The following CEP350 variants were observed in gnomAD, a reference collection of about 807,000 sequenced individuals.
CEP350 encodes centrosomal protein 350.
In CEP350, 126 loss-of-function variants were observed where a neutral mutation model predicts 331.8. That is an observed-to-expected ratio of 0.38 (90% CI 0.33 to 0.44). The LOEUF is 0.44. CEP350 is among the 20% of genes least tolerant of loss of function. The pLI is 1.00. For missense variants in CEP350, 3,406 were observed against 3,634.6 expected (o/e 0.94, Z 1.62); for synonymous variants, 1,200 against 1,259.5 (o/e 0.95, Z 1.00).
chr1:180,040,313 C>A (rs1156356602), intron 17 of CEP350, among the ~76,000 whole-genome samples: 1 of 152,090 alleles, frequency 6.6e-6, no homozygotes, highest in African/African-American at 2.4e-5. Context: ...CCATCCTGAC[C>A]TTGAAATCTG....
intron 37 of CEP350, among the ~76,000 whole-genome samples, chr1:180,101,923 C>T (rs1040049301): frequency 1.1e-4 from 17 of 152,290 alleles, no homozygotes; most frequent in Middle Eastern, 3.4e-3. Context: ...GGCTGCCACC[C>T]TCCAGGAACC....
At chr1:180,021,280 A>T (rs922073764) in intron 12 of CEP350, among the ~76,000 whole-genome samples, 4 of 152,208 alleles carry the variant, frequency 2.6e-5, no homozygotes, top group African/African-American at 9.7e-5. Context: ...GTTCAGAGAA[A>T]TTCATAGATG....
intron 3 of CEP350, among the ~76,000 whole-genome samples, chr1:179,990,173 G>A (rs377109217): frequency 1.3e-5 from 2 of 151,318 alleles, no homozygotes; most frequent in East Asian, 3.9e-4. Flanking sequence ...GCGACAGACC[G>A]AGACCGTCTC....
In CEP350 at chr1:180,094,313, A is replaced by C. The variant is rs1211688154; in HGVS notation, c.8208A>C (p.Ser2736=). Residue 2736 remains serine, a synonymous_variant, in exon 34 of 38, where the codon TCA becomes TCC. Transcript: ENST00000367607. ...EKNQLEAQLK[S]SLNEEKKSKQ... is the part of the protein sequence containing the mutation. ...ACCAACTGGAAGCCCAGCTGAAGTCATCACTAAATGAGGAAAAAAAGTCAA... is the reference window on the plus strand; with the variant it reads ...ACCAACTGGAAGCCCAGCTGAAGTCCTCACTAAATGAGGAAAAAAAGTCAA... 4 of 1,613,856 alleles carry C rather than the reference A, an allele frequency of 2.5e-6. No homozygotes were observed. In the South Asian group the frequency reaches 4.4e-5, roughly 18 times the overall value.
At chr1:180,030,285 A>G (rs1571892418) in intron 14 of CEP350, among the ~76,000 whole-genome samples, 1 of 146,512 alleles carries the variant, frequency 6.8e-6, no homozygotes, top group Non-Finnish European at 1.5e-5. Flanking sequence ...TTTAACGTAT[A>G]TATACACATA....
intron 36 of CEP350, among the ~76,000 whole-genome samples, chr1:180,097,639 A>G (rs1660559180): frequency 6.6e-6 from 1 of 152,230 alleles, no homozygotes; most frequent in Non-Finnish European, 1.5e-5. Flanking sequence ...ATATATACCA[A>G]CAATCAAACT....
chr1:179,969,074 T>G, intron 1 of CEP350: 1 of 706,010 alleles, frequency 1.4e-6, no homozygotes, highest in Non-Finnish European at 2.6e-6. Flanking sequence ...CATTGCTCTG[T>G]GTAACACAGA....
In CEP350 at chr1:180,112,894, C is replaced by T. The variant is rs2149213480; in HGVS notation, c.*1733C>T. The T allele has an allele frequency of 6.5e-6, 1 of 152,678 alleles. No homozygotes were observed. Among genetic ancestry groups the T allele is most frequent in the East Asian group, 1.9e-4 (1 of 5,188 alleles). The allele number at this position is 152,678 out of a possible 1,614,324, so 9.5% of individuals were successfully genotyped here. Reference sequence around the variant, plus strand: ...ACTGAAATAATCATTGGAATATTTGCATTTTGCACAATGACTGGTATGATA... The same window carrying T: ...ACTGAAATAATCATTGGAATATTTGTATTTTGCACAATGACTGGTATGATA... On this transcript the variant is annotated 3_prime_UTR_variant, in exon 38 of 38. Transcript: ENST00000367607.
At chr1:180,022,267 G>T (rs113761558) in intron 12 of CEP350, among the ~76,000 whole-genome samples, 1,521 of 150,404 alleles carry the variant, frequency 0.01, 27 homozygotes, top group African/African-American at 0.034. Flanking sequence ...TTTTTAATAA[G>T]AAAATTGTTT....
At chr1:180,084,296 C>A in intron 31 of CEP350, 118 bp downstream of exon 31, 1 of 938,904 alleles carries the variant, frequency 1.1e-6, no homozygotes, top group Non-Finnish European at 1.5e-6. Context: ...AGTGTGGTGC[C>A]ACATTTTATT....
chr1:180,063,109 T>C (rs1475469417), intron 26 of CEP350, among the ~76,000 whole-genome samples: 2 of 151,720 alleles, frequency 1.3e-5, no homozygotes, highest in East Asian at 3.9e-4. Flanking sequence ...ATTTACATGA[T>C]ACTCATTTTA....
At chr1:180,028,322 AAC>A (rs1655804941) in intron 14 of CEP350, among the ~76,000 whole-genome samples, 1 of 152,226 alleles carries the variant, frequency 6.6e-6, no homozygotes, top group African/African-American at 2.4e-5. Context: ...AATTCAGCTG[AAC>A]ACAGTTTGGG....
chr1:180,071,146 C>CA (rs57487170), intron 27 of CEP350, among the ~76,000 whole-genome samples: 10,252 of 63,006 alleles, frequency 0.16, 843 homozygotes, highest in Non-Finnish European at 0.2. Flanking sequence ...GACTCCATCT[C>CA]AAAAAAAAAA....
At chr1:180,010,395 C>T (rs542405113) in intron 8 of CEP350, among the ~76,000 whole-genome samples, 17 of 135,312 alleles carry the variant, frequency 1.3e-4, no homozygotes, top group African/African-American at 4.5e-4. Flanking sequence ...ACACATAATC[C>T]CATGTTTGCT....
chr1:179,996,732 C>T lies in CEP350; in HGVS notation c.575C>T (p.Thr192Ile), dbSNP rs772167849. Reference protein sequence around the residue: ...ESSQSSVINDTVVRFLNDRPA... With the variant: ...ESSQSSVINDIVVRFLNDRPA... ...TCCCAATCATCTGTCATCAATGATA[C>T]AGTTGTTAGGTTTTTAAATGATCGA... The change falls in exon 6 of 38, where the codon ACA becomes ATA. Residue 192 changes from threonine to isoleucine, a missense_variant. By Grantham distance (89) the Thr-to-Ile change is moderately conservative. Transcript: ENST00000367607. 11 of 1,613,320 alleles carry T rather than the reference C, an allele frequency of 6.8e-6. No individual in the cohort carries two copies. The highest frequency in any genetic ancestry group is 4.4e-5 in the South Asian group (4 of 90,992).
intron 7 of CEP350, among the ~76,000 whole-genome samples, chr1:180,004,925 TTCTTTC>T (rs1329299233): frequency 8.1e-6 from 1 of 123,986 alleles, no homozygotes; most frequent in Non-Finnish European, 1.9e-5. Flanking sequence ...CTTTCTTTCT[TTCTTTC>T]TTTCTTTCTT....
intron 14 of CEP350, among the ~76,000 whole-genome samples, chr1:180,025,146 G>A (rs994393082): frequency 1.3e-5 from 2 of 151,978 alleles, no homozygotes; most frequent in East Asian, 1.9e-4. Flanking sequence ...GGATGGTCTC[G>A]ATCTCCTGAC....
intron 7 of CEP350, among the ~76,000 whole-genome samples, chr1:180,003,987 A>T (rs775527198): frequency 6.6e-6 from 1 of 152,172 alleles, no homozygotes; most frequent in Non-Finnish European, 1.5e-5. Flanking sequence ...TTTCTGTGGC[A>T]TTAAGTGTCC....
chr1:179,986,886 A>G (rs1652681528), intron 2 of CEP350, among the ~76,000 whole-genome samples: 1 of 152,188 alleles, frequency 6.6e-6, no homozygotes, highest in Non-Finnish European at 1.5e-5. Context: ...TTCACATTGT[A>G]TTATAAGATA....
Sources: allele counts gnomAD v4.1 joint callset (sites outside exome capture counted in the v4.1 genomes callset), GRCh38; gene constraint gnomAD v4.1.1; transcripts MANE v1.5; gene names NCBI Gene and HGNC (gene_info 2026-07-23, HGNC 2026-07-21).